PTPN9: variants seen among roughly 807,000 people sequenced by gnomAD.
PTPN9 encodes tyrosine-protein phosphatase non-receptor type 9.
In PTPN9, 26 loss-of-function variants were observed where a neutral mutation model predicts 69.8. The ratio of observed to expected loss-of-function variants is 0.37; its 90% confidence interval spans 0.27 to 0.52. PTPN9 has a LOEUF of 0.52. Among genes scored for constraint, PTPN9 ranks in the 20% least tolerant of loss-of-function variants. The pLI, the probability that PTPN9 is intolerant of heterozygous loss-of-function variation, is 0.91. For synonymous variants in PTPN9, 274 were observed against 272.5 expected, an observed-to-expected ratio of 1.01 and a Z score of -0.05; for missense variants, 549 against 740.3, an observed-to-expected ratio of 0.74 and a Z score of 3.00.
At chr15:75,546,827 T>C (rs1029329689) in intron 1 of PTPN9, among the ~76,000 whole-genome samples, 2 of 150,840 alleles carry the variant, frequency 1.3e-5, no homozygotes, top group Non-Finnish European at 3.0e-5. Flanking sequence ...AGATGAAAAA[T>C]TGAAAGGGTT....
At chr15:75,496,555 G>A (rs2074743511) in intron 7 of PTPN9, among the ~76,000 whole-genome samples, 1 of 148,678 alleles carries the variant, frequency 6.7e-6, no homozygotes, top group African/African-American at 2.5e-5. Context: ...GGAGTCCAGT[G>A]GCACAATTTT....
intron 1 of PTPN9, among the ~76,000 whole-genome samples, chr15:75,530,533 A>AATATTATTATATTATAATATATTAT (rs1302330589): frequency 2.0e-5 from 1 of 49,608 alleles, no homozygotes; most frequent in Admixed American, 3.5e-4. Flanking sequence ...TTTATTATAT[A>AATATTATTATATTATAATATATTAT]ATATTATTAT....
At chr15:75,539,720 G>A (rs1482919409) in intron 1 of PTPN9, among the ~76,000 whole-genome samples, 2 of 151,996 alleles carry the variant, frequency 1.3e-5, no homozygotes, top group Non-Finnish European at 2.9e-5. Context: ...CACCCAGGCT[G>A]GAGTGCAGCG....
chr15:75,555,946 C>A (rs1458634954), intron 1 of PTPN9, among the ~76,000 whole-genome samples: 1 of 151,012 alleles, frequency 6.6e-6, no homozygotes, highest in Non-Finnish European at 1.5e-5. Context: ...GCAGGATGAT[C>A]CCTTGAGCCC....
intron 1 of PTPN9, among the ~76,000 whole-genome samples, chr15:75,577,198 T>G (rs768358633): frequency 1.2e-4 from 18 of 152,250 alleles, no homozygotes; most frequent in Non-Finnish European, 2.1e-4. Flanking sequence ...AATATTTACT[T>G]TTCCTGGTTT....
At chr15:75,527,357 C>A in intron 1 of PTPN9, 96 bp from the exon 2 acceptor site, 7 of 1,393,174 alleles carry the variant, frequency 5.0e-6, no homozygotes, top group Non-Finnish European at 6.9e-6. Context: ...CTTCTCCAAG[C>A]AAGTCTGAAC....
chr15:75,567,191 T>C (rs977124462), intron 1 of PTPN9, among the ~76,000 whole-genome samples: 1 of 152,050 alleles, frequency 6.6e-6, no homozygotes, highest in Non-Finnish European at 1.5e-5. Context: ...AATTTCTTTG[T>C]ATTTTTAGTA....
At chr15:75,578,681 C>G in intron 1 of PTPN9, 33 bp downstream of exon 1, 1 of 1,359,330 alleles carries the variant, frequency 7.4e-7, no homozygotes, top group Non-Finnish European at 9.5e-7. Flanking sequence ...GGGGCCCGGA[C>G]ACACCCAACG....
At chr15:75,474,025 C>T (rs903611309) in intron 9 of PTPN9, among the ~76,000 whole-genome samples, 6 of 152,188 alleles carry the variant, frequency 3.9e-5, no homozygotes, top group African/African-American at 1.4e-4. Flanking sequence ...AGCACTGCTA[C>T]ATACCCTCTC....
At chr15:75,556,342 T>C (rs912008011) in intron 1 of PTPN9, among the ~76,000 whole-genome samples, 12 of 151,604 alleles carry the variant, frequency 7.9e-5, no homozygotes, top group Admixed American at 6.6e-4. Flanking sequence ...GGATTACAGG[T>C]GTGAGCCACT....
intron 1 of PTPN9, among the ~76,000 whole-genome samples, chr15:75,570,535 C>T (rs1450836587): frequency 6.6e-6 from 1 of 152,070 alleles, no homozygotes; most frequent in Non-Finnish European, 1.5e-5. Flanking sequence ...TTTGGGAGGC[C>T]GAGGCAGGAG....
At chr15:75,504,620 G>A (rs1350547083) in intron 7 of PTPN9, among the ~76,000 whole-genome samples, 5 of 121,914 alleles carry the variant, frequency 4.1e-5, no homozygotes, top group African/African-American at 9.4e-5. Flanking sequence ...CCGGCCAGCC[G>A]CCCCGTCTGG....
At chr15:75,480,160 C>T (rs1336359927) in intron 8 of PTPN9, among the ~76,000 whole-genome samples, 1 of 152,030 alleles carries the variant, frequency 6.6e-6, no homozygotes, top group East Asian at 1.9e-4. Context: ...AAATGTATCA[C>T]AGACCAAATG....
At chr15:75,519,400 C>A (rs2074890593) in intron 4 of PTPN9, among the ~76,000 whole-genome samples, 2 of 151,874 alleles carry the variant, frequency 1.3e-5, no homozygotes, top group African/African-American at 4.8e-5. Context: ...CCACTATGCC[C>A]AGCCTCAAAG....
At chr15:75,576,180 C>T (rs2075172241) in intron 1 of PTPN9, among the ~76,000 whole-genome samples, 1 of 151,168 alleles carries the variant, frequency 6.6e-6, no homozygotes. Flanking sequence ...TGCAGTGAGC[C>T]GAGATCACAA....
chr15:75,568,438 G>A (rs767795563), intron 1 of PTPN9, among the ~76,000 whole-genome samples: 3 of 150,110 alleles, frequency 2.0e-5, no homozygotes, highest in Admixed American at 6.7e-5. Context: ...GGCCAGGGAG[G>A]TCAAGGCTTC....
intron 7 of PTPN9, 142 bp downstream of exon 7, chr15:75,505,533 A>G: frequency 1.8e-6 from 1 of 558,264 alleles, no homozygotes; most frequent in Non-Finnish European, 3.1e-6. Context: ...TGCATGCGAG[A>G]AACCATCATT....
At chr15:75,484,791 C>T (rs2074664477) in intron 8 of PTPN9, among the ~76,000 whole-genome samples, 1 of 152,152 alleles carries the variant, frequency 6.6e-6, no homozygotes, top group African/African-American at 2.4e-5. Flanking sequence ...TTTCCTCAAC[C>T]TATCACTCGT....
Position 75,578,694 on chromosome 15 carries a change from G to A in PTPN9, c.63+20C>T. On this transcript the variant is annotated intron_variant, in intron 1 of 12. Transcript: ENST00000618819. ...CGGGGGCCCGGACACACCCAACGCG[G>A]CGGCCTCGGGCCCGCTTACCTGCTC... is the stretch of plus-strand genomic sequence containing the variant. The A allele has an allele frequency of 5.9e-6, 8 of 1,367,462 alleles. No homozygotes were observed. Among genetic ancestry groups the A allele is most frequent in the Non-Finnish European group, 7.6e-6 (8 of 1,057,706 alleles). The allele number at this position is 1,367,462 out of a possible 1,614,324, so 84.7% of individuals were successfully genotyped here.
Sources: gnomAD v4.1 joint callset for allele counts (sites outside exome capture counted in the v4.1 genomes callset) on GRCh38, gnomAD v4.1.1 for gene constraint, MANE v1.5 for transcripts, NCBI Gene and HGNC (gene_info 2026-07-23, HGNC 2026-07-21) for gene names.